Variants in CDKL1 observed in about 807,000 individuals in gnomAD.
CDKL1 encodes the protein cyclin-dependent kinase-like 1.
Under a neutral mutation model 42.0 loss-of-function variants are expected in CDKL1, and 41 were observed. The ratio of observed to expected loss-of-function variants is 0.98; its 90% CI spans 0.76 to 1.27. CDKL1 has a LOEUF of 1.27. Ranked by LOEUF, CDKL1 falls within the 50% of genes most tolerant of loss-of-function variation. CDKL1 has a pLI of 0.00. For missense variants in CDKL1, 394 were observed against 428.4 expected (o/e 0.92, Z 0.71); for synonymous variants, 153 against 158.6 (o/e 0.96, Z 0.26).
chr14:50,356,819 C>T (rs2139442699), intron 3 of CDKL1, among the ~76,000 whole-genome samples: 1 of 152,274 alleles, frequency 6.6e-6, no homozygotes, highest in South Asian at 2.1e-4. Context: ...ACAGGTCTTT[C>T]TGTTTTCTGC....
intron 2 of CDKL1, chr14:50,390,041 C>A: frequency 1.5e-6 from 1 of 662,526 alleles, no homozygotes. Context: ...TATCTACCTT[C>A]TAAGGTTGTT....
chr14:50,336,053 T>C (rs1348429185), intron 7 of CDKL1: 23 of 1,366,434 alleles, frequency 1.7e-5, no homozygotes, highest in Non-Finnish European at 2.3e-5. Flanking sequence ...TGAGCATCAC[T>C]GGGGTTTGAC....
intron 2 of CDKL1, among the ~76,000 whole-genome samples, chr14:50,381,111 G>C (rs959004127): frequency 6.6e-6 from 1 of 152,210 alleles, no homozygotes; most frequent in Non-Finnish European, 1.5e-5. Flanking sequence ...AAGTGATTTA[G>C]AAGGCTGCTA....
chr14:50,378,475 C>T (rs765109359), intron 2 of CDKL1: 31 of 1,349,182 alleles, frequency 2.3e-5, no homozygotes, highest in South Asian at 6.9e-5. Context: ...ACTACACTGT[C>T]GCATAACTTG....
chr14:50,332,660 T>TAGAATGAAAAA, intron 8 of CDKL1: 19 of 1,531,980 alleles, frequency 1.2e-5, no homozygotes, highest in Middle Eastern at 1.7e-4. Context: ...TTTCTCCACC[T>TAGAATGAAAAA]TATTCTGTTC....
chr14:50,344,307 C>T (rs1465160), intron 4 of CDKL1, among the ~76,000 whole-genome samples: 68,421 of 151,958 alleles, frequency 0.45, 16,202 homozygotes, highest in East Asian at 0.81. Context: ...CTGCAACTGA[C>T]ATACTGCAGC....
In CDKL1 at chr14:50,395,775, T is replaced by C. The variant is rs1304910841; in HGVS notation, c.94A>G (p.Ile32Val). 10 of 1,613,956 alleles carry C rather than the reference T, an allele frequency of 6.2e-6. No homozygotes were observed. The highest frequency in any genetic ancestry group is 8.5e-6 in the Non-Finnish European group (10 of 1,179,760). Reference protein sequence around the residue: ...RNRDTGQIVAIKKFLESEDDP... With the variant: ...RNRDTGQIVAVKKFLESEDDP... ...TCTTCTGATTCCAGAAACTTCTTGA[T>C]GGCCACAATCTGACCCGTGTCCCTG... Residue 32 changes from isoleucine to valine, a missense_variant, in exon 2 of 10, where the codon ATC becomes GTC. By Grantham distance (29) the Ile-to-Val change is conservative (BLOSUM62 3). Transcript: ENST00000395834.
At chr14:50,347,166 T>A (rs535277661) in intron 3 of CDKL1, among the ~76,000 whole-genome samples, 2 of 152,366 alleles carry the variant, frequency 1.3e-5, no homozygotes, top group Admixed American at 1.3e-4. Context: ...TTGAACTGGC[T>A]ACTCACTTCA....
intron 3 of CDKL1, among the ~76,000 whole-genome samples, chr14:50,352,382 C>T (rs2139430320): frequency 6.6e-6 from 1 of 152,058 alleles, no homozygotes; most frequent in East Asian, 1.9e-4. Context: ...TAAATTGGTT[C>T]TGTCTGGCAA....
Position 50,335,210 on chromosome 14 carries a change from G to A in CDKL1, c.739-589C>T, listed in dbSNP as rs148353613. Among the ~76,000 whole-genome samples the A allele has an allele frequency of 9.0e-3, 1,350 of 150,540 alleles. 21 individuals carry two copies. The highest frequency in any genetic ancestry group is 0.032 in the African/African-American group (1,295 of 40,918). The stretch of plus-strand genomic sequence containing the variant: ...ACTTGGGAGGCTAAGGCGGGAGGAT[G>A]GCGTGGGTTTGGGAGATTGAGGCTG... On this transcript the variant is annotated intron_variant, in intron 7 of 9. Transcript: ENST00000395834.
At position 50,359,084 on chromosome 14, in the gene CDKL1, C is replaced by T; in HGVS notation, c.234G>A (p.Leu78=). ...CTGTGTGGTCACAATATTCAAACAC[C>T]AGGTGAAGCCTCCGTTTCCTCCTGA... The part of the protein sequence containing the change: ...EVFRRKRRLH[L]VFEYCDHTVL... Residue 78 remains leucine (L), a synonymous_variant, in exon 3 of 10, where the codon CTG becomes CTA. Transcript: ENST00000395834. 1 of 1,613,000 alleles carries T rather than the reference C, an allele frequency of 6.2e-7. No homozygotes were observed. Among genetic ancestry groups the T allele is most frequent in the Non-Finnish European group, 8.5e-7 (1 of 1,179,110 alleles).
chr14:50,379,326 T>C (rs1449183423), intron 2 of CDKL1, among the ~76,000 whole-genome samples: 1 of 152,076 alleles, frequency 6.6e-6, no homozygotes, highest in African/African-American at 2.4e-5. Context: ...ACCACCTGAT[T>C]ATGTTTCCTT....
Position 50,390,292 on chromosome 14 carries a change from C to T in CDKL1, c.168+5409G>A, listed in dbSNP as rs144752497. On this transcript the variant is annotated intron_variant, in intron 2 of 9. Transcript: ENST00000395834. ...CCCATACCACCTGCCATAGGTAGAA[C>T]GTCTGCCCAGGGATCCCACAGTGAC... 1.2e-3 allele frequency: 1,622 copies of T among 1,366,248 alleles called. 1 individual carries two copies. The highest frequency in any genetic ancestry group is 1.4e-3 in the Non-Finnish European group (1,430 of 1,021,630). The allele number at this position is 1,366,248 out of a possible 1,614,324, so 84.6% of individuals were successfully genotyped here. A position where few individuals can be genotyped will look rare whatever the true frequency, so the allele number is the denominator to read the frequency against.
intron 9 of CDKL1, 58 bp from the exon 10 acceptor site, chr14:50,330,239 T>C: frequency 6.4e-7 from 1 of 1,563,242 alleles, no homozygotes; most frequent in Admixed American, 2.2e-5. Context: ...TTTTTCATTA[T>C]TTAGAATATA....
At chr14:50,335,947 G>C in intron 7 of CDKL1, 1 of 1,354,214 alleles carries the variant, frequency 7.4e-7, no homozygotes, top group Non-Finnish European at 9.8e-7. Flanking sequence ...AAGTAGGTTT[G>C]TATTAGCCCT....
At chr14:50,378,512 G>A in intron 2 of CDKL1, 1 of 1,147,480 alleles carries the variant, frequency 8.7e-7, no homozygotes, top group Non-Finnish European at 1.2e-6. Context: ...AAGGACACCT[G>A]CAGACAGTTC....
chr14:50,346,654 T>TTG (rs935569025), intron 3 of CDKL1, among the ~76,000 whole-genome samples: 4 of 122,248 alleles, frequency 3.3e-5, no homozygotes, highest in African/African-American at 1.1e-4. Flanking sequence ...AATTTTTGGT[T>TTG]TTTTTTTTTT....
At chr14:50,389,128 G>C (rs1211013754) in intron 2 of CDKL1, among the ~76,000 whole-genome samples, 1 of 147,778 alleles carries the variant, frequency 6.8e-6, no homozygotes, top group Non-Finnish European at 1.5e-5. Flanking sequence ...AAAAAAGAGA[G>C]AGAAAAGAAA....
At chr14:50,357,901 C>G in intron 3 of CDKL1, 1 of 454,666 alleles carries the variant, frequency 2.2e-6, no homozygotes, top group South Asian at 1.9e-5. Context: ...AGCTTATTTG[C>G]AAGGCACAAT....
Sources: gnomAD v4.1 joint callset for allele counts (sites outside exome capture counted in the v4.1 genomes callset) on GRCh38, gnomAD v4.1.1 for gene constraint, MANE v1.5 for transcripts, NCBI Gene and HGNC (gene_info 2026-07-23, HGNC 2026-07-21) for gene names.